SSH2: variants seen among roughly 807,000 people sequenced by gnomAD.
SSH2 encodes protein phosphatase Slingshot homolog 2.
A neutral mutation model predicts 135.2 loss-of-function variants in SSH2; 37 were observed. That is an observed-to-expected ratio of 0.27 (90% confidence interval 0.21 to 0.36). The LOEUF is 0.36. SSH2 is among the 10% of genes least tolerant of loss of function. SSH2 has a pLI of 1.00. For missense variants in SSH2, 1,408 were observed against 1,765.3 expected, an observed-to-expected ratio of 0.80 and a Z score of 3.63; for synonymous variants, 628 against 646.2, an observed-to-expected ratio of 0.97 and a Z score of 0.43.
intron 11 of SSH2, among the ~76,000 whole-genome samples, chr17:29,662,635 T>C (rs1303333242): frequency 1.3e-5 from 2 of 152,192 alleles, no homozygotes; most frequent in Admixed American, 1.3e-4. Flanking sequence ...TTTGAGGATT[T>C]TTTTTTAACT....
intron 2 of SSH2, among the ~76,000 whole-genome samples, chr17:29,795,355 TTCTC>T (rs1353649317): frequency 6.6e-6 from 1 of 152,248 alleles, no homozygotes; most frequent in African/African-American, 2.4e-5. Flanking sequence ...AAACATGTCT[TTCTC>T]TCTGTCTCTC....
intron 8 of SSH2, 94 bp from the exon 9 acceptor site, chr17:29,672,223 T>G: frequency 1.1e-6 from 1 of 938,382 alleles, no homozygotes; most frequent in South Asian, 1.9e-5. Flanking sequence ...TTTTAAATTC[T>G]ATAGAATTTG....
intron 2 of SSH2, among the ~76,000 whole-genome samples, chr17:29,821,648 AT>A (rs778592320): frequency 3.1e-3 from 428 of 137,310 alleles, no homozygotes; most frequent in African/African-American, 4.0e-3. Context: ...AACCAAGTCT[AT>A]TTTTTTTTTT....
At chr17:29,641,136 C>T (rs555609375) in intron 14 of SSH2, among the ~76,000 whole-genome samples, 12 of 152,218 alleles carry the variant, frequency 7.9e-5, no homozygotes, top group African/African-American at 2.9e-4. Flanking sequence ...GTCTCAAACT[C>T]CTGACCTCAA....
chr17:29,842,291 T>G (rs966083168), intron 2 of SSH2, among the ~76,000 whole-genome samples: 1 of 151,730 alleles, frequency 6.6e-6, no homozygotes, highest in Non-Finnish European at 1.5e-5. Flanking sequence ...CTGTCTCTAC[T>G]AAAAATACAA....
intron 5 of SSH2, among the ~76,000 whole-genome samples, chr17:29,691,141 C>T (rs1434712347): frequency 6.6e-6 from 1 of 151,784 alleles, no homozygotes; most frequent in African/African-American, 2.4e-5. Context: ...AAAAAATGAA[C>T]CAATTTCCAT....
At chr17:29,819,078 T>C (rs966867178) in intron 2 of SSH2, among the ~76,000 whole-genome samples, 3 of 151,862 alleles carry the variant, frequency 2.0e-5, no homozygotes, top group African/African-American at 4.8e-5. Context: ...AATACAAAAT[T>C]AGCTGGGTGT....
At position 29,716,843 on chromosome 17, in the gene SSH2, C is replaced by T. The variant is rs976684036; in HGVS notation, c.189-13781G>A. On this transcript the variant is annotated intron_variant, in intron 3 of 15. Coordinates refer to ENST00000540801, the MANE Select transcript of SSH2 (RefSeq NM_001282129.2). ...TCTGTCTCACCACTCCTCTGAAACTCCTCCCCCACTCTAAGTTTGCCAATG... is the reference window on the plus strand; with the variant it reads ...TCTGTCTCACCACTCCTCTGAAACTTCTCCCCCACTCTAAGTTTGCCAATG... Among the ~76,000 whole-genome samples the T allele has an allele frequency of 2.6e-5, 4 of 152,144 alleles. No individual in the cohort carries two copies. In the South Asian group the frequency reaches 8.3e-4, roughly 32 times the overall value.
intron 1 of SSH2, among the ~76,000 whole-genome samples, chr17:29,874,947 A>G (rs375048945): frequency 1.2e-4 from 19 of 152,234 alleles, no homozygotes; most frequent in African/African-American, 4.3e-4. Flanking sequence ...AAGTGATCCC[A>G]TTAGTACCAG....
chr17:29,856,693 G>A (rs1401581297), intron 1 of SSH2, among the ~76,000 whole-genome samples: 1 of 152,012 alleles, frequency 6.6e-6, no homozygotes, highest in East Asian at 1.9e-4. Context: ...CTCCATCCCC[G>A]TCCTCCCACC....
chr17:29,869,434 G>A (rs2065905487), intron 1 of SSH2, among the ~76,000 whole-genome samples: 2 of 152,182 alleles, frequency 1.3e-5, no homozygotes, highest in African/African-American at 4.8e-5. Context: ...CTGTCCCCTT[G>A]TAGTGTCCCT....
intron 1 of SSH2, among the ~76,000 whole-genome samples, chr17:29,897,625 A>C (rs933210713): frequency 2.0e-5 from 3 of 152,204 alleles, no homozygotes; most frequent in Admixed American, 2.0e-4. Flanking sequence ...CAGATTCATA[A>C]AGCAAGTCCT....
chr17:29,795,049 T>C (rs1346524174), intron 2 of SSH2, among the ~76,000 whole-genome samples: 1 of 152,232 alleles, frequency 6.6e-6, no homozygotes, highest in Non-Finnish European at 1.5e-5. Context: ...TCAGAGAATA[T>C]GTGTACTGTC....
Position 29,913,355 on chromosome 17 carries a change from TATA to T in SSH2, c.63+16580_63+16582del, listed in dbSNP as rs1364100592. 4.4e-3 allele frequency among the ~76,000 whole-genome samples: 185 copies of T among 41,710 alleles called. 10 individuals carry two copies. The highest frequency in any genetic ancestry group is 0.042 in the Middle Eastern group (2 of 48). 27.4% of individuals were successfully genotyped at this position (41,710 alleles called of 152,430 possible). On this transcript the variant is annotated intron_variant, in intron 1 of 15. Transcript: ENST00000540801. The stretch of plus-strand genomic sequence containing the variant: ...AAAAAAAAAAAAAAAAAAATATATA[TATA>T]TATATATATATATATATATATATAT...
At chr17:29,665,471 C>T (rs1003107493) in intron 11 of SSH2, among the ~76,000 whole-genome samples, 1 of 152,198 alleles carries the variant, frequency 6.6e-6, no homozygotes, top group African/African-American at 2.4e-5. Context: ...GAAATAAACT[C>T]TTGAATATTC....
At position 29,631,756 on chromosome 17, in the gene SSH2, A is replaced by G. The variant is rs780523959; in HGVS notation, c.3438T>C (p.Ser1146=). ...TALETAAPFV[S]HTTHLLSASL... ...TGGCAGACAGTAAATGGGTTGTATG[A>G]CTGACAAAAGGTGCTGCTGTCTCCA... Residue 1146 remains serine (S), a synonymous_variant, in exon 16 of 16, where the codon AGT becomes AGC. Coordinates refer to ENST00000540801, the MANE Select transcript of SSH2 (RefSeq NM_001282129.2). 4 of 1,614,038 alleles carry G rather than the reference A, an allele frequency of 2.5e-6. No homozygotes were observed. In the African/African-American group the frequency reaches 5.3e-5, roughly 22 times the overall value.
chr17:29,905,900 C>T (rs2066644907), intron 1 of SSH2, among the ~76,000 whole-genome samples: 1 of 152,128 alleles, frequency 6.6e-6, no homozygotes, highest in Admixed American at 6.5e-5. Context: ...AAAGGAGCTA[C>T]CCTCTCTGCT....
intron 3 of SSH2, among the ~76,000 whole-genome samples, chr17:29,766,027 A>AAG (rs1380069656): frequency 1.3e-5 from 2 of 151,412 alleles, no homozygotes; most frequent in Non-Finnish European, 2.9e-5. Context: ...CTCCAAAAAA[A>AAG]AAAAAAAAAA....
intron 2 of SSH2, among the ~76,000 whole-genome samples, chr17:29,810,226 C>T (rs1465279335): frequency 2.0e-5 from 3 of 152,116 alleles, no homozygotes; most frequent in African/African-American, 7.2e-5. Context: ...GATAGTAATT[C>T]CTCAAACAAG....
Sources: allele counts gnomAD v4.1 joint callset (sites outside exome capture counted in the v4.1 genomes callset), GRCh38; gene constraint gnomAD v4.1.1; transcripts MANE v1.5; gene names NCBI Gene and HGNC (gene_info 2026-07-23, HGNC 2026-07-21).